The following FBXW7 variants were observed in gnomAD, a reference collection of about 807,000 sequenced individuals.
FBXW7 encodes the protein F-box/WD repeat-containing protein 7.
FBXW7 carries 11 observed loss-of-function variants against 86.3 expected under a neutral mutation model. The observed-to-expected ratio is 0.13, with a 90% CI of 0.08 to 0.21. The LOEUF (loss-of-function observed/expected upper bound fraction) is 0.21, where lower values mean the gene tolerates loss of function less well. FBXW7 is among the 10% of genes least tolerant of loss of function. The pLI is 1.00. For missense variants in FBXW7, 488 were observed against 847.4 expected, an observed-to-expected ratio of 0.58 and a Z score of 5.27; for synonymous variants, 313 against 297.9, an observed-to-expected ratio of 1.05 and a Z score of -0.52.
intron 2 of FBXW7, among the ~76,000 whole-genome samples, chr4:152,518,359 G>A (rs1392588701): frequency 1.3e-5 from 2 of 151,814 alleles, no homozygotes; most frequent in African/African-American, 2.4e-5. Flanking sequence ...ATAGTGGCAG[G>A]ATCTTGGCTC....
At chr4:152,418,127 C>CCACACACACACACACA (rs3047865) in intron 2 of FBXW7, among the ~76,000 whole-genome samples, 23 of 143,938 alleles carry the variant, frequency 1.6e-4, no homozygotes, top group African/African-American at 3.8e-4. Context: ...ACAGCTCTTA[C>CCACACACACACACACA]CACACACACA....
rs146148400 is a variant in FBXW7, at chr4:152,477,484, T to C, written c.-120+57457A>G. ...GTCTCAATCCAATTGCAGCATCATC[T>C]AAAGAGAATCCGGTAGAAGTATTTA... is the stretch of plus-strand genomic sequence containing the variant. On this transcript the variant is annotated intron_variant, in intron 2 of 13. Transcript: ENST00000281708. Among the ~76,000 whole-genome samples the C allele has an allele frequency of 4.1e-3, 622 of 152,188 alleles. 3 individuals carry two copies. The highest frequency in any genetic ancestry group is 0.014 in the African/African-American group (563 of 41,552).
intron 4 of FBXW7, among the ~76,000 whole-genome samples, chr4:152,407,535 A>G (rs570184584): frequency 7.2e-5 from 11 of 152,250 alleles, no homozygotes; most frequent in Admixed American, 2.6e-4. Context: ...TATATTTCCA[A>G]TGTTAGCCAC....
At chr4:152,477,014 T>A (rs1744464698) in intron 2 of FBXW7, among the ~76,000 whole-genome samples, 1 of 151,266 alleles carries the variant, frequency 6.6e-6, no homozygotes, top group Non-Finnish European at 1.5e-5. Flanking sequence ...GTAGCCCTCC[T>A]CTTCACACTA....
At chr4:152,496,784 A>G (rs1273690885) in intron 2 of FBXW7, among the ~76,000 whole-genome samples, 1 of 152,244 alleles carries the variant, frequency 6.6e-6, no homozygotes, top group African/African-American at 2.4e-5. Context: ...GATTCCAATC[A>G]CATTTCCAAC....
intron 2 of FBXW7, among the ~76,000 whole-genome samples, chr4:152,454,535 A>G (rs1011163571): frequency 1.3e-5 from 2 of 152,102 alleles, no homozygotes; most frequent in Admixed American, 6.6e-5. Context: ...TCTATTGGTA[A>G]TTTTCAAACA....
chr4:152,327,940 C>T (rs997909971), intron 11 of FBXW7, among the ~76,000 whole-genome samples: 1 of 151,696 alleles, frequency 6.6e-6, no homozygotes, highest in African/African-American at 2.4e-5. Context: ...ATCAAAGATA[C>T]AGAACAACAA....
intron 4 of FBXW7, among the ~76,000 whole-genome samples, chr4:152,355,620 C>A (rs1578974570): frequency 6.6e-6 from 1 of 152,058 alleles, no homozygotes; most frequent in South Asian, 2.1e-4. Context: ...AAAATTAATT[C>A]TTGTGTTGAC....
At chr4:152,352,568 GTC>G in intron 4 of FBXW7, 1 of 1,613,912 alleles carries the variant, frequency 6.2e-7, no homozygotes, top group Non-Finnish European at 8.5e-7. Flanking sequence ...CTGCTTGGCA[GTC>G]TCTGACAATA....
chr4:152,459,210 A>G (rs1243816591), intron 2 of FBXW7, among the ~76,000 whole-genome samples: 1 of 152,196 alleles, frequency 6.6e-6, no homozygotes, highest in Non-Finnish European at 1.5e-5. Flanking sequence ...TCAATCTACC[A>G]CAAGTGCTAC....
chr4:152,434,839 A>G (rs1188513182), intron 2 of FBXW7, among the ~76,000 whole-genome samples: 2 of 152,084 alleles, frequency 1.3e-5, no homozygotes, highest in African/African-American at 4.8e-5. Context: ...GTATAGATAG[A>G]GGTTTGTATA....
At chr4:152,528,106 T>C (rs1433644520) in intron 2 of FBXW7, among the ~76,000 whole-genome samples, 2 of 152,108 alleles carry the variant, frequency 1.3e-5, no homozygotes, top group Non-Finnish European at 2.9e-5. Context: ...ATTTCCTAAA[T>C]TCCAGAGCAG....
chr4:152,409,831 A>G (rs187576127), intron 4 of FBXW7, among the ~76,000 whole-genome samples: 126 of 152,286 alleles, frequency 8.3e-4, no homozygotes, highest in African/African-American at 2.7e-3. Context: ...CTATGGTTAG[A>G]GCCCAGTCCA....
rs1238387841 is a variant in FBXW7 at position 152,536,039 on chromosome 4, C to G, written c.-1125G>C. The G allele has an allele frequency of 9.4e-6, 2 of 211,752 alleles. No homozygotes were observed. 13.1% of individuals were successfully genotyped at this position (211,752 alleles called of 1,614,324 possible). Reference sequence around the variant, plus strand: ...GCAGCGGCAGCGGCAGCGCCCGGAGCTCAGCTCGCTGTCTCCCTCGCTCTG... The same window carrying G: ...GCAGCGGCAGCGGCAGCGCCCGGAGGTCAGCTCGCTGTCTCCCTCGCTCTG... On this transcript the variant is annotated 5_prime_UTR_variant, in exon 1 of 14. Transcript: ENST00000281708.
intron 4 of FBXW7, among the ~76,000 whole-genome samples, chr4:152,353,213 T>A (rs1732033966): frequency 6.6e-6 from 1 of 152,148 alleles, no homozygotes; most frequent in Non-Finnish European, 1.5e-5. Flanking sequence ...CCTACCGTAG[T>A]CCTGGCACAG....
At chr4:152,429,699 C>T (rs891441822) in intron 2 of FBXW7, among the ~76,000 whole-genome samples, 2 of 152,178 alleles carry the variant, frequency 1.3e-5, no homozygotes, top group African/African-American at 4.8e-5. Flanking sequence ...GGCAAGCAAC[C>T]TTAATCCAAG....
At chr4:152,416,729 T>C (rs1357426930) in intron 2 of FBXW7, among the ~76,000 whole-genome samples, 1 of 152,154 alleles carries the variant, frequency 6.6e-6, no homozygotes, top group African/African-American at 2.4e-5. Context: ...ATAATTTAAA[T>C]AGACTTCACT....
At chr4:152,379,227 A>G (rs1197983483) in intron 4 of FBXW7, among the ~76,000 whole-genome samples, 1 of 151,982 alleles carries the variant, frequency 6.6e-6, no homozygotes, top group Non-Finnish European at 1.5e-5. Context: ...TCAAATAAAA[A>G]ATAGTTATTT....
intron 2 of FBXW7, among the ~76,000 whole-genome samples, chr4:152,532,953 G>A (rs970496355): frequency 6.6e-6 from 1 of 152,142 alleles, no homozygotes; most frequent in Admixed American, 6.5e-5. Context: ...TTGGGAGGCC[G>A]AGGTGGGCAG....
Sources: gnomAD v4.1 joint callset for allele counts (sites outside exome capture counted in the v4.1 genomes callset) on GRCh38, gnomAD v4.1.1 for gene constraint, MANE v1.5 for transcripts, NCBI Gene and HGNC (gene_info 2026-07-23, HGNC 2026-07-21) for gene names.